The following DACH2 variants were observed in gnomAD, a reference collection of about 807,000 sequenced individuals.
DACH2 encodes dachshund family transcription factor 2, also known as dachshund homolog 2.
In DACH2, 17 loss-of-function variants were observed where a neutral mutation model predicts 35.8. The observed-to-expected ratio is 0.48, with a 90% CI of 0.33 to 0.71. The LOEUF (loss-of-function observed/expected upper bound fraction) is 0.71. DACH2 is among the 30% of genes least tolerant of loss of function. The pLI is 0.02. For synonymous variants in DACH2, 195 were observed against 177.3 expected (o/e 1.10, Z -0.79); for missense variants, 469 against 472.7 (o/e 0.99, Z 0.07).
At chrX:86,714,979 G>A (rs2041319747) in intron 6 of DACH2, among the ~76,000 whole-genome samples, 3 of 111,680 alleles carry the variant, frequency 2.7e-5, no homozygotes, top group African/African-American at 9.8e-5. Context: ...GGGAGGCATG[G>A]GCAGACTAAT....
intron 7 of DACH2, among the ~76,000 whole-genome samples, chrX:86,786,326 G>A (rs1345148276): frequency 8.9e-6 from 1 of 111,825 alleles, no homozygotes; most frequent in Non-Finnish European, 1.9e-5. Context: ...ATGCACTTAT[G>A]ACCTAAAGAG....
intron 2 of DACH2, among the ~76,000 whole-genome samples, chrX:86,401,366 G>T (rs1157970700): frequency 9.0e-6 from 1 of 111,609 alleles, no homozygotes; most frequent in Non-Finnish European, 1.9e-5. Flanking sequence ...GCTTATGCAC[G>T]GTGCACTGCA....
At chrX:86,831,275 A>G (rs951141836) in intron 11 of DACH2, 1 of 111,565 alleles carries the variant, frequency 9.0e-6, no homozygotes, top group Non-Finnish European at 1.9e-5. Flanking sequence ...AACAATGATA[A>G]TGTCCTCTCC....
chrX:86,540,019 A>G (rs752090859), intron 3 of DACH2, among the ~76,000 whole-genome samples: 1 of 111,910 alleles, frequency 8.9e-6, no homozygotes, highest in African/African-American at 3.2e-5. Context: ...TGATTGCAAA[A>G]TTATGGTTAC....
intron 5 of DACH2, among the ~76,000 whole-genome samples, chrX:86,713,637 A>G (rs1372675922): frequency 9.0e-6 from 1 of 111,597 alleles, no homozygotes; most frequent in Admixed American, 9.6e-5. Flanking sequence ...ATTGTTTGTA[A>G]TAAGTGCTAC....
intron 3 of DACH2, among the ~76,000 whole-genome samples, chrX:86,604,611 G>T (rs1279695984): frequency 9.0e-6 from 1 of 111,520 alleles, no homozygotes; most frequent in Non-Finnish European, 1.9e-5. Flanking sequence ...ATCTCCCAAT[G>T]ATTTAAACAC....
chrX:86,229,292 T>C (rs1207580159), intron 1 of DACH2, among the ~76,000 whole-genome samples: 2 of 112,072 alleles, frequency 1.8e-5, no homozygotes. Context: ...TTTGGATTTA[T>C]TTCTGGATTC....
intron 1 of DACH2, among the ~76,000 whole-genome samples, chrX:86,291,736 TTC>T: frequency 1.1e-5 from 1 of 87,911 alleles, no homozygotes; most frequent in African/African-American, 4.6e-5. Context: ...TTTATTGATT[TTC>T]GCATATTGAA....
intron 6 of DACH2, among the ~76,000 whole-genome samples, chrX:86,727,395 G>A (rs942696308): frequency 1.6e-4 from 18 of 111,902 alleles, no homozygotes; most frequent in Non-Finnish European, 2.8e-4. Flanking sequence ...AAAATTTACA[G>A]AAAGAGCTAT....
intron 2 of DACH2, among the ~76,000 whole-genome samples, chrX:86,499,714 T>C (rs1446362875): frequency 8.9e-6 from 1 of 112,087 alleles, no homozygotes; most frequent in African/African-American, 3.2e-5. Context: ...ATGTCTTCCT[T>C]CATGATTTTT....
At chrX:86,150,981 T>C (rs2030343578) in intron 1 of DACH2, among the ~76,000 whole-genome samples, 1 of 111,881 alleles carries the variant, frequency 8.9e-6, no homozygotes, top group Admixed American at 9.5e-5. Flanking sequence ...GGAACAATTA[T>C]TACACTTAGG....
intron 4 of DACH2, among the ~76,000 whole-genome samples, chrX:86,661,805 A>T (rs747375186): frequency 9.8e-5 from 11 of 112,265 alleles, no homozygotes; most frequent in Non-Finnish European, 1.3e-4. Flanking sequence ...ACATATTCAC[A>T]GATTGGTTTC....
intron 3 of DACH2, among the ~76,000 whole-genome samples, chrX:86,572,089 G>A (rs2039378106): frequency 9.0e-6 from 1 of 110,936 alleles, no homozygotes; most frequent in South Asian, 3.8e-4. Flanking sequence ...ACCACGGCCT[G>A]TTGCGGGGTG....
At chrX:86,216,769 C>T (rs994546737) in intron 1 of DACH2, among the ~76,000 whole-genome samples, 5 of 110,707 alleles carry the variant, frequency 4.5e-5, no homozygotes, top group Admixed American at 3.8e-4. Flanking sequence ...AGGGAGACAC[C>T]ACAATTACAT....
chrX:86,398,526 T>G (rs2036349612), intron 2 of DACH2, among the ~76,000 whole-genome samples: 1 of 112,014 alleles, frequency 8.9e-6, no homozygotes. Flanking sequence ...TGTGGGCATT[T>G]AATGCTATAA....
chrX:86,419,839 C>T (rs1406775771), intron 2 of DACH2, among the ~76,000 whole-genome samples: 1 of 111,494 alleles, frequency 9.0e-6, no homozygotes, highest in Non-Finnish European at 1.9e-5. Context: ...TGATGCCTAG[C>T]TTCAGGAGGT....
At chrX:86,284,426 C>T (rs1354529018) in intron 1 of DACH2, among the ~76,000 whole-genome samples, 1 of 111,594 alleles carries the variant, frequency 9.0e-6, no homozygotes, top group African/African-American at 3.3e-5. Flanking sequence ...CCTAGTATCC[C>T]AAGGACAAAT....
intron 4 of DACH2, among the ~76,000 whole-genome samples, chrX:86,660,216 G>A (rs2040590995): frequency 9.0e-6 from 1 of 111,049 alleles, no homozygotes; most frequent in African/African-American, 3.3e-5. Flanking sequence ...GTTTAGAATG[G>A]TCTCAAAAAC....
At chrX:86,475,674 T>C (rs1227222249) in intron 2 of DACH2, among the ~76,000 whole-genome samples, 1 of 111,913 alleles carries the variant, frequency 8.9e-6, no homozygotes, top group East Asian at 2.8e-4. Context: ...ATGCTCTTTA[T>C]TTCTTTGTCT....
Sources: gnomAD v4.1 joint callset for allele counts (sites outside exome capture counted in the v4.1 genomes callset) on GRCh38, gnomAD v4.1.1 for gene constraint, MANE v1.5 for transcripts, NCBI Gene and HGNC (gene_info 2026-07-23, HGNC 2026-07-21) for gene names.